The following TLCD4 variants were observed in gnomAD, a reference collection of about 807,000 sequenced individuals.
TLCD4 encodes TLC domain-containing protein 4.
A neutral mutation model predicts 24.2 loss-of-function variants in TLCD4; 7 were observed. That is an observed-to-expected ratio of 0.29 (90% CI 0.16 to 0.54). The LOEUF is 0.54. Ranked by LOEUF, TLCD4 falls within the 20% of genes least tolerant of loss-of-function variation. The pLI is 0.95. For synonymous variants in TLCD4, 103 were observed against 106.4 expected (o/e 0.97, Z 0.20); for missense variants, 259 against 313.9 (o/e 0.82, Z 1.32).
intron 6 of TLCD4, among the ~76,000 whole-genome samples, chr1:95,180,285 T>C (rs953946131): frequency 1.1e-4 from 16 of 152,318 alleles, no homozygotes; most frequent in African/African-American, 3.4e-4. Flanking sequence ...AATTATAAAA[T>C]TAGAGATAGT....
At chr1:95,135,738 G>A (rs775619697) in intron 1 of TLCD4, among the ~76,000 whole-genome samples, 7 of 150,206 alleles carry the variant, frequency 4.7e-5, no homozygotes, top group Non-Finnish European at 1.0e-4. Context: ...TCTCAAGTTC[G>A]TTTTGTTTTG....
In TLCD4 at chr1:95,150,210, G is replaced by C; in HGVS notation, c.248G>C (p.Gly83Ala). 1 of 1,601,730 alleles carries C rather than the reference G, an allele frequency of 6.2e-7. No homozygotes were observed. Among genetic ancestry groups the C allele is most frequent in the Non-Finnish European group, 8.5e-7 (1 of 1,176,988 alleles). Reference sequence around the variant, plus strand: ...AAGGAACCTTTTTTTTTTTTCAGGGGTGGTCCATCACTTGCAAACGTGAAT... The same window carrying C: ...AAGGAACCTTTTTTTTTTTTCAGGGCTGGTCCATCACTTGCAAACGTGAAT... ...DEATKADPLW[G>A]GPSLANVNIA... The change falls in exon 4 of 7, where the codon GGT becomes GCT. Residue 83 changes from glycine to alanine, a missense_variant and splice_region_variant. Gly to Ala is a moderately conservative substitution (Grantham distance 60). Transcript: ENST00000370203.
chr1:95,152,941 G>T (rs1048176826), intron 5 of TLCD4, among the ~76,000 whole-genome samples: 12 of 152,088 alleles, frequency 7.9e-5, no homozygotes, highest in Non-Finnish European at 1.5e-5. Flanking sequence ...TGTGTTCCTT[G>T]TGAATCACTT....
intron 1 of TLCD4, among the ~76,000 whole-genome samples, chr1:95,118,679 AT>A (rs1384586724): frequency 1.3e-5 from 2 of 152,222 alleles, no homozygotes; most frequent in Non-Finnish European, 2.9e-5. Context: ...CATGGTGTCG[AT>A]TGAAATGTAG....
At position 95,191,710 on chromosome 1, in the gene TLCD4, G is replaced by A; in HGVS notation, c.634G>A (p.Gly212Arg). The A allele has an allele frequency of 3.1e-6, 5 of 1,614,100 alleles. No homozygotes were observed. The highest frequency in any genetic ancestry group is 4.2e-6 in the Non-Finnish European group (5 of 1,180,012). ...TGGAACAGAACCCTACATAAGGCTT[G>A]GAGTTTTAATCCAGTTATCCTGGGT... ...VYGTEPYIRL[G>R]VLIQLSWVIS... is the part of the protein sequence containing the mutation. The change falls in exon 7 of 7, where the codon GGA becomes AGA. Residue 212 changes from glycine to arginine, a missense_variant. Gly to Arg is a moderately radical substitution (Grantham distance 125). Coordinates refer to ENST00000370203, the MANE Select transcript of TLCD4 (RefSeq NM_152487.3).
At chr1:95,152,044 A>G (rs1677508252) in intron 5 of TLCD4, among the ~76,000 whole-genome samples, 1 of 152,136 alleles carries the variant, frequency 6.6e-6, no homozygotes, top group African/African-American at 2.4e-5. Context: ...TATACCAACA[A>G]GCTCAAGGTA....
At chr1:95,142,157 G>A (rs1268394330) in intron 1 of TLCD4, among the ~76,000 whole-genome samples, 3 of 108,388 alleles carry the variant, frequency 2.8e-5, no homozygotes, top group Non-Finnish European at 3.5e-5. Context: ...TGCTCTGAAT[G>A]TTCCTAAGAT....
chr1:95,169,089 C>T (rs922832949), intron 5 of TLCD4, among the ~76,000 whole-genome samples: 1 of 152,196 alleles, frequency 6.6e-6, no homozygotes, highest in African/African-American at 2.4e-5. Flanking sequence ...GCTTATAGAT[C>T]GCTGGCTATT....
At chr1:95,140,377 C>T (rs2100931217) in intron 1 of TLCD4, among the ~76,000 whole-genome samples, 1 of 152,290 alleles carries the variant, frequency 6.6e-6, no homozygotes, top group African/African-American at 2.4e-5. Context: ...CCATTATAAT[C>T]TTATGAGACC....
intron 5 of TLCD4, chr1:95,163,584 T>G (rs1677905865): frequency 6.6e-6 from 1 of 152,236 alleles, no homozygotes; most frequent in Non-Finnish European, 1.5e-5. Flanking sequence ...ATAGGTGCTC[T>G]GATTTTTAGA....
intron 6 of TLCD4, among the ~76,000 whole-genome samples, chr1:95,177,201 T>C (rs900253382): frequency 6.6e-6 from 1 of 152,244 alleles, no homozygotes; most frequent in Non-Finnish European, 1.5e-5. Flanking sequence ...CTATCCTTAC[T>C]GTCTTATGTT....
chr1:95,116,136 G>A (rs150932308), upstream of TLCD4, among the ~76,000 whole-genome samples: 53 of 152,264 alleles, frequency 3.5e-4, no homozygotes, highest in African/African-American at 1.3e-3. Flanking sequence ...CTGCAGGGCA[G>A]GTTTCTGTCC....
At chr1:95,119,612 CTT>C (rs1292568982) in intron 1 of TLCD4, among the ~76,000 whole-genome samples, 4 of 152,166 alleles carry the variant, frequency 2.6e-5, no homozygotes, top group Admixed American at 6.6e-5. Context: ...CCTTCTCCCT[CTT>C]TCTCTTTGAG....
intron 5 of TLCD4, among the ~76,000 whole-genome samples, chr1:95,170,251 C>T (rs1286535593): frequency 6.6e-6 from 1 of 151,614 alleles, no homozygotes; most frequent in East Asian, 1.9e-4. Flanking sequence ...AAAAAGTTCA[C>T]CTATAATTTT....
chr1:95,174,924 C>T (rs1487940483), intron 6 of TLCD4, among the ~76,000 whole-genome samples: 1 of 152,038 alleles, frequency 6.6e-6, no homozygotes, highest in Non-Finnish European at 1.5e-5. Flanking sequence ...TACAGGTGCC[C>T]ACCACCATGC....
At chr1:95,165,467 G>GTGT (rs1677984243) in intron 5 of TLCD4, among the ~76,000 whole-genome samples, 1 of 107,104 alleles carries the variant, frequency 9.3e-6, no homozygotes, top group African/African-American at 5.1e-5. Context: ...GTGTGTGTGT[G>GTGT]TTTTTTTTTT....
intron 5 of TLCD4, among the ~76,000 whole-genome samples, chr1:95,162,502 T>C (rs1330753160): frequency 6.6e-6 from 1 of 152,186 alleles, no homozygotes; most frequent in Non-Finnish European, 1.5e-5. Context: ...CACATGTGCA[T>C]TTAAGGTTAA....
the TLCD4 span, among the ~76,000 whole-genome samples, chr1:95,110,188 T>C: frequency 6.6e-6 from 1 of 151,368 alleles, no homozygotes; most frequent in Non-Finnish European, 1.5e-5. Flanking sequence ...ATGACAGTTT[T>C]ACACTTTTTT....
At chr1:95,184,256 C>T (rs932820901) in intron 6 of TLCD4, among the ~76,000 whole-genome samples, 3 of 152,088 alleles carry the variant, frequency 2.0e-5, no homozygotes, top group Admixed American at 6.6e-5. Context: ...CACAGCTTTC[C>T]TAAGGCTCTC....
Sources: allele counts gnomAD v4.1 joint callset (sites outside exome capture counted in the v4.1 genomes callset), GRCh38; gene constraint gnomAD v4.1.1; transcripts MANE v1.5; gene names NCBI Gene and HGNC (gene_info 2026-07-23, HGNC 2026-07-21).